The following UBA6 variants were observed in gnomAD, a reference collection of about 807,000 sequenced individuals.
UBA6 encodes the protein ubiquitin-like modifier-activating enzyme 6.
UBA6 carries 87 observed loss-of-function variants against 148.3 expected under a neutral mutation model. The observed-to-expected ratio is 0.59, with a 90% confidence interval of 0.49 to 0.70. UBA6 has a LOEUF of 0.70. UBA6 is among the 30% of genes least tolerant of loss of function. The pLI is 0.00. For synonymous variants in UBA6, 376 were observed against 401.0 expected, an observed-to-expected ratio of 0.94 and a Z score of 0.75; for missense variants, 1,186 against 1,241.2, an observed-to-expected ratio of 0.96 and a Z score of 0.67.
At position 67,617,634 on chromosome 4, in the gene UBA6, TAAAA is replaced by T; in HGVS notation, c.*1359_*1362del. On this transcript the variant is annotated 3_prime_UTR_variant, in exon 33 of 33. Transcript: ENST00000322244. ...TAATTTAAACTATTTGTAAATGAAA[TAAAA>T]AGAAAGTAGGTATAATACATAGTGT... is the stretch of plus-strand genomic sequence containing the variant. 2 of 152,084 alleles carry T rather than the reference TAAAA, an allele frequency of 1.3e-5. No individual in the cohort carries two copies. The highest frequency in any genetic ancestry group is 4.1e-4 in the South Asian group (2 of 4,824). 9.4% of individuals were successfully genotyped at this position (152,084 alleles called of 1,614,324 possible).
At chr4:67,688,353 G>A (rs145224134) in intron 2 of UBA6, among the ~76,000 whole-genome samples, 4 of 152,034 alleles carry the variant, frequency 2.6e-5, no homozygotes, top group Non-Finnish European at 4.4e-5. Flanking sequence ...GCAGACTCAC[G>A]CACATCTTCA....
At chr4:67,651,691 TTAATA>T (rs1315741614) in intron 13 of UBA6, among the ~76,000 whole-genome samples, 1 of 152,052 alleles carries the variant, frequency 6.6e-6, no homozygotes, top group African/African-American at 2.4e-5. Flanking sequence ...ACTTCAAGAC[TTAATA>T]TAAAAGCCAC....
chr4:67,624,173 T>A lies in UBA6; in HGVS notation c.2793A>T (p.Pro931=), dbSNP rs774987815. The A allele has an allele frequency of 1.2e-6, 2 of 1,609,462 alleles. No individual in the cohort carries two copies. Among genetic ancestry groups the A allele is most frequent in the East Asian group, 4.5e-5 (2 of 44,662 alleles). ...YKNCFLNLAI[P]IVVFTETTEV... ...CAGTTGTCTCTGTAAATACTACAATTGGAATGGCTAAGTTAAGAAAACAAT... is the reference window on the plus strand; with the variant it reads ...CAGTTGTCTCTGTAAATACTACAATAGGAATGGCTAAGTTAAGAAAACAAT... The change falls in exon 30 of 33, where the codon CCA becomes CCT. Residue 931 remains proline, a synonymous_variant. Transcript: ENST00000322244.
chr4:67,623,409 T>C (rs1006654046), intron 30 of UBA6, among the ~76,000 whole-genome samples, 187 bp from the exon 31 acceptor site: 2 of 152,170 alleles, frequency 1.3e-5, no homozygotes, highest in African/African-American at 4.8e-5. Flanking sequence ...TCACATCATA[T>C]AGATAACCAC....
rs1195376702 is a variant in UBA6, at chr4:67,618,548, T to C, written c.*449A>G. ...ATTAAATTCTCAAAGCCAAATCATA[T>C]CAGAGGTGCAGGATGCCAAACACTA... On this transcript the variant is annotated 3_prime_UTR_variant, in exon 33 of 33. Transcript: ENST00000322244. 1 of 152,986 alleles carries C rather than the reference T, an allele frequency of 6.5e-6. No homozygotes were observed. The highest frequency in any genetic ancestry group is 1.5e-5 in the Non-Finnish European group (1 of 68,444). 9.5% of individuals were successfully genotyped at this position (152,986 alleles called of 1,614,324 possible).
Position 67,624,191 on chromosome 4 carries a change from A to G in UBA6, c.2775T>C (p.Phe925=), listed in dbSNP as rs762605567. The G allele has an allele frequency of 1.2e-6, 2 of 1,610,324 alleles. No individual in the cohort carries two copies. The highest frequency in any genetic ancestry group is 2.7e-5 in the African/African-American group (2 of 74,888). The part of the protein sequence containing the change: ...GYPFEAYKNC[F]LNLAIPIVVF... ...CTACAATTGGAATGGCTAAGTTAAG[A>G]AAACAATTTTTGTAAGCTTCAAATG... Residue 925 remains phenylalanine (F), a synonymous_variant, in exon 30 of 33, where the codon TTT becomes TTC. Transcript: ENST00000322244.
intron 13 of UBA6, among the ~76,000 whole-genome samples, chr4:67,658,646 A>G (rs1419128395): frequency 6.6e-6 from 1 of 152,180 alleles, no homozygotes; most frequent in Non-Finnish European, 1.5e-5. Context: ...ATGCAAATTT[A>G]CCTATATAAC....
intron 3 of UBA6, among the ~76,000 whole-genome samples, chr4:67,681,903 C>T (rs536641715): frequency 6.6e-6 from 1 of 152,196 alleles, no homozygotes; most frequent in East Asian, 1.9e-4. Flanking sequence ...TAATTAATGG[C>T]TATTAACATC....
In UBA6 at chr4:67,633,331, C is replaced by A; in HGVS notation, c.2142+14G>T. The A allele has an allele frequency of 6.4e-7, 1 of 1,572,960 alleles. No homozygotes were observed. The highest frequency in any genetic ancestry group is 8.6e-7 in the Non-Finnish European group (1 of 1,167,142). On this transcript the variant is annotated intron_variant, in intron 23 of 32. Coordinates refer to ENST00000322244, the MANE Select transcript of UBA6 (RefSeq NM_018227.6). ...GATCAGACCTTTTCTTAATGTCTCA[C>A]AATGCATACTTACCTTATGGTTAAA...
chr4:67,637,748 G>C (rs563325105), intron 19 of UBA6, among the ~76,000 whole-genome samples: 30 of 152,096 alleles, frequency 2.0e-4, no homozygotes, highest in East Asian at 5.8e-4. Flanking sequence ...CAGCATGCTC[G>C]TCAAGAGTCA....
In UBA6 at chr4:67,629,693, A is replaced by G. The variant is rs185452182; in HGVS notation, c.2329-551T>C. Among the ~76,000 whole-genome samples, 566 of 152,138 alleles carry G rather than the reference A, an allele frequency of 3.7e-3. 3 individuals carry two copies. The highest frequency in any genetic ancestry group is 0.026 in the South Asian group (126 of 4,826). The stretch of plus-strand genomic sequence containing the variant: ...CTTAGTGCTTTTGAGGTCAATTACC[A>G]CACTCACCACTAAATTACCACTGAT... On this transcript the variant is annotated intron_variant, in intron 26 of 32. Coordinates refer to ENST00000322244, the MANE Select transcript of UBA6 (RefSeq NM_018227.6).
intron 19 of UBA6, among the ~76,000 whole-genome samples, chr4:67,637,272 A>G (rs354870): frequency 0.9 from 134,038 of 149,658 alleles, 60,194 homozygotes; most frequent in East Asian, 0.99. Context: ...AGGGAGGTGG[A>G]GGGCAGCCCC....
intron 7 of UBA6, among the ~76,000 whole-genome samples, chr4:67,670,909 GAAAT>G (rs1730132610): frequency 6.6e-6 from 1 of 152,136 alleles, no homozygotes; most frequent in South Asian, 2.1e-4. Context: ...CAACATAAAA[GAAAT>G]AGATAACTCT....
At chr4:67,621,525 G>A (rs116669534) in intron 32 of UBA6, among the ~76,000 whole-genome samples, 2,668 of 152,286 alleles carry the variant, frequency 0.018, 90 homozygotes, top group African/African-American at 0.06. Context: ...TACATGGGCC[G>A]GGCACAGTGG....
chr4:67,621,983 C>G (rs1728762592), intron 32 of UBA6, among the ~76,000 whole-genome samples: 1 of 151,996 alleles, frequency 6.6e-6, no homozygotes, highest in African/African-American at 2.4e-5. Context: ...GTGCAAAGAC[C>G]AGGGGTGAGA....
intron 32 of UBA6, 82 bp downstream of exon 32, chr4:67,622,749 A>C: frequency 5.4e-6 from 5 of 928,406 alleles, no homozygotes; most frequent in South Asian, 1.7e-5. Flanking sequence ...GAATTATAGT[A>C]ACCTCTATAT....
At chr4:67,664,844 T>C (rs1474207675) in intron 10 of UBA6, among the ~76,000 whole-genome samples, 1 of 152,104 alleles carries the variant, frequency 6.6e-6, no homozygotes, top group Non-Finnish European at 1.5e-5. Context: ...TGAAAATACA[T>C]TAGTTTTATT....
At chr4:67,632,396 C>G (rs755702698) in intron 23 of UBA6, among the ~76,000 whole-genome samples, 23 of 152,236 alleles carry the variant, frequency 1.5e-4, no homozygotes, top group Non-Finnish European at 3.1e-4. Context: ...GAATTGATAA[C>G]TGCTAACCCT....
At chr4:67,637,619 GATCTA>G (rs143712497) in intron 19 of UBA6, among the ~76,000 whole-genome samples, 134,022 of 151,536 alleles carry the variant, frequency 0.88, 59,678 homozygotes, top group East Asian at 0.99. Context: ...GGATGCTGTT[GATCTA>G]ATCTATGACC....
Sources: allele counts gnomAD v4.1 joint callset (sites outside exome capture counted in the v4.1 genomes callset), GRCh38; gene constraint gnomAD v4.1.1; transcripts MANE v1.5; gene names NCBI Gene and HGNC (gene_info 2026-07-23, HGNC 2026-07-21).